The following CES5A variants were observed in gnomAD, a reference collection of about 807,000 sequenced individuals.
CES5A encodes the protein carboxylesterase 5.
A neutral mutation model predicts 62.9 loss-of-function variants in CES5A; 67 were observed. That is an observed-to-expected ratio of 1.07 (90% confidence interval 0.88 to 1.31). The LOEUF (loss-of-function observed/expected upper bound fraction) is 1.31. CES5A is among the 50% of genes most tolerant of loss of function. The pLI, the probability that CES5A is intolerant of heterozygous loss-of-function variation, is 0.00. For missense variants in CES5A, 748 were observed against 708.5 expected (o/e 1.06, Z -0.63); for synonymous variants, 296 against 280.8 (o/e 1.05, Z -0.54).
chr16:55,877,584 G>C (rs1166043316), upstream of CES5A, among the ~76,000 whole-genome samples: 2 of 151,942 alleles, frequency 1.3e-5, no homozygotes, highest in African/African-American at 4.8e-5. Context: ...TCTTCTATTT[G>C]CTGTTCTCTC....
chr16:55,848,723 C>G (rs192480846), intron 11 of CES5A, among the ~76,000 whole-genome samples: 1 of 152,210 alleles, frequency 6.6e-6, no homozygotes, highest in Non-Finnish European at 1.5e-5. Context: ...AGGAATTTAA[C>G]CTTTTGATAC....
chr16:55,889,185 A>G (rs77540222), intron 1 of CES5A, among the ~76,000 whole-genome samples: 5 of 152,082 alleles, frequency 3.3e-5, no homozygotes, highest in African/African-American at 1.2e-4. Flanking sequence ...ACACCATTCA[A>G]CGCAATGCTT....
At chr16:55,929,833 A>C (rs183463873), upstream of CES5A, among the ~76,000 whole-genome samples, 67 of 152,284 alleles carry the variant, frequency 4.4e-4, 1 homozygote, top group East Asian at 9.3e-3. Context: ...TTTTTAAAAT[A>C]TTTTTAAATA....
intron 1 of CES5A, among the ~76,000 whole-genome samples, chr16:55,954,691 T>C (rs188189674): frequency 1.6e-4 from 24 of 152,288 alleles, no homozygotes; most frequent in African/African-American, 5.5e-4. Flanking sequence ...CAGTCCTGGC[T>C]GCAGAACTGC....
chr16:55,886,796 T>A (rs1049687878), intron 1 of CES5A, among the ~76,000 whole-genome samples: 4 of 152,128 alleles, frequency 2.6e-5, no homozygotes, highest in African/African-American at 7.2e-5. Context: ...GCTCACAGCA[T>A]CCTTTGTCAA....
chr16:55,955,555 A>T (rs1329266013), intron 1 of CES5A, among the ~76,000 whole-genome samples: 1 of 152,240 alleles, frequency 6.6e-6, no homozygotes, highest in Non-Finnish European at 1.5e-5. Flanking sequence ...TTTCACTGCC[A>T]TTAAATCGCC....
intron 2 of CES5A, among the ~76,000 whole-genome samples, chr16:55,938,771 TA>T (rs2034410317): frequency 2.3e-5 from 1 of 42,652 alleles, no homozygotes; most frequent in African/African-American, 1.1e-4. Flanking sequence ...AAAAAATATA[TA>T]TATATATATA....
At chr16:55,867,910 C>T (rs1233574218) in intron 4 of CES5A, among the ~76,000 whole-genome samples, 1 of 152,110 alleles carries the variant, frequency 6.6e-6, no homozygotes, top group African/African-American at 2.4e-5. Flanking sequence ...GTTGAATGAC[C>T]CCATGGCCTG....
chr16:55,904,127 G>A (rs145059139), intron 1 of CES5A, among the ~76,000 whole-genome samples: 165 of 152,246 alleles, frequency 1.1e-3, no homozygotes, highest in African/African-American at 3.6e-3. Flanking sequence ...GATTTTTCAC[G>A]TCTGGGACTG....
chr16:55,880,451 C>T (rs1446852031), intron 1 of CES5A, among the ~76,000 whole-genome samples: 1 of 152,162 alleles, frequency 6.6e-6, no homozygotes, highest in Non-Finnish European at 1.5e-5. Flanking sequence ...AACACCCCCT[C>T]GTCTCACCTT....
At chr16:55,944,384 G>A in intron 2 of CES5A, 1 of 376,108 alleles carries the variant, frequency 2.7e-6, no homozygotes, top group South Asian at 4.7e-5. Flanking sequence ...TCATTTTTGG[G>A]GAGAGGGAAG....
At chr16:55,876,274 G>A (rs2033692164), upstream of CES5A, among the ~76,000 whole-genome samples, 1 of 151,928 alleles carries the variant, frequency 6.6e-6, no homozygotes, top group Admixed American at 6.6e-5. Flanking sequence ...TCTTTAAATT[G>A]ACATTTTTTA....
At chr16:55,942,511 C>G (rs1351393709) in intron 2 of CES5A, among the ~76,000 whole-genome samples, 1 of 152,220 alleles carries the variant, frequency 6.6e-6, no homozygotes, top group African/African-American at 2.4e-5. Flanking sequence ...GTTTTATGCT[C>G]ACCAGAATGG....
chr16:55,880,438 A>G (rs1284557119), intron 1 of CES5A, among the ~76,000 whole-genome samples: 1 of 152,160 alleles, frequency 6.6e-6, no homozygotes, highest in African/African-American at 2.4e-5. Flanking sequence ...CATCAGTCTC[A>G]GGAACACCCC....
chr16:55,865,148 G>A (rs1165688963), intron 5 of CES5A, among the ~76,000 whole-genome samples: 1 of 152,144 alleles, frequency 6.6e-6, no homozygotes, highest in African/African-American at 2.4e-5. Flanking sequence ...GGAGGTTCTG[G>A]TGAGCCTAGA....
intron 11 of CES5A, 48 bp downstream of exon 11, chr16:55,849,576 G>A (rs750902370): frequency 1.9e-4 from 297 of 1,598,228 alleles, no homozygotes; most frequent in Non-Finnish European, 2.5e-4. Context: ...TCGTGGTGGG[G>A]TAAGCAAGGG....
chr16:55,926,535 C>G (rs1297771439), upstream of CES5A, among the ~76,000 whole-genome samples: 2 of 152,138 alleles, frequency 1.3e-5, no homozygotes, highest in African/African-American at 4.8e-5. Context: ...GTGCCCCTTA[C>G]AAATTTTTTA....
At chr16:55,894,207 C>T (rs1368704067) in intron 1 of CES5A, among the ~76,000 whole-genome samples, 1 of 151,332 alleles carries the variant, frequency 6.6e-6, no homozygotes, top group Non-Finnish European at 1.5e-5. Flanking sequence ...ACCAGCAGAC[C>T]CACACTGTAA....
Position 55,861,665 on chromosome 16 carries a change from T to C in CES5A, c.811-149A>G, listed in dbSNP as rs1486976532. The C allele has an allele frequency of 3.0e-5, 20 of 668,336 alleles. 1 individual carries two copies. In the Admixed American group the frequency reaches 4.1e-4, roughly 14 times the overall value. The allele number at this position is 668,336 out of a possible 1,614,324, so 41.4% of individuals were successfully genotyped here. A position where few individuals can be genotyped will look rare whatever the true frequency, so the allele number is the denominator to read the frequency against. ...ACTGCCTAGACCCACACCCCTATAATTGAAGGTGCACATGGTGGACAGTTT... is the reference window on the plus strand; with the variant it reads ...ACTGCCTAGACCCACACCCCTATAACTGAAGGTGCACATGGTGGACAGTTT... On this transcript the variant is annotated intron_variant, in intron 6 of 12. Coordinates refer to ENST00000290567, the MANE Select transcript of CES5A (RefSeq NM_001143685.2).
Sources: gnomAD v4.1 joint callset for allele counts (sites outside exome capture counted in the v4.1 genomes callset) on GRCh38, gnomAD v4.1.1 for gene constraint, MANE v1.5 for transcripts, NCBI Gene and HGNC (gene_info 2026-07-23, HGNC 2026-07-21) for gene names.